The following GPC6 variants were observed in gnomAD, a reference collection of about 807,000 sequenced individuals.
GPC6 encodes glypican-6.
In GPC6, 14 loss-of-function variants were observed where a neutral mutation model predicts 55.2. That is an observed-to-expected ratio of 0.25 (90% CI 0.17 to 0.40). The LOEUF is 0.40. Ranked by LOEUF, GPC6 falls within the 10% of genes least tolerant of loss-of-function variation. The pLI, the probability that GPC6 is intolerant of heterozygous loss-of-function variation, is 1.00. For missense variants in GPC6, 641 were observed against 708.5 expected (o/e 0.90, Z 1.08); for synonymous variants, 278 against 259.6 (o/e 1.07, Z -0.68).
At chr13:94,280,803 G>A (rs1892357637) in intron 4 of GPC6, among the ~76,000 whole-genome samples, 1 of 151,714 alleles carries the variant, frequency 6.6e-6, no homozygotes, top group African/African-American at 2.4e-5. Context: ...AGCAAAATTG[G>A]GTGCCATGGA....
At chr13:93,274,686 T>C (rs374944890) in intron 1 of GPC6, among the ~76,000 whole-genome samples, 1 of 152,194 alleles carries the variant, frequency 6.6e-6, no homozygotes, top group South Asian at 2.1e-4. Flanking sequence ...ATTAGGATTT[T>C]CTCCCTTAGA....
At chr13:93,253,904 T>C (rs1013087437) in intron 1 of GPC6, among the ~76,000 whole-genome samples, 2 of 152,164 alleles carry the variant, frequency 1.3e-5, no homozygotes, top group Non-Finnish European at 2.9e-5. Flanking sequence ...TCTAGAGAAA[T>C]GTTAGGAAAA....
chr13:93,613,739 G>A (rs1878592846), intron 2 of GPC6, among the ~76,000 whole-genome samples: 1 of 152,154 alleles, frequency 6.6e-6, no homozygotes, highest in Non-Finnish European at 1.5e-5. Context: ...TGTCTTTGCA[G>A]AGGACATTTA....
At chr13:93,488,716 G>A (rs1363215720) in intron 1 of GPC6, among the ~76,000 whole-genome samples, 1 of 152,050 alleles carries the variant, frequency 6.6e-6, no homozygotes, top group African/African-American at 2.4e-5. Flanking sequence ...TTCTCTGATG[G>A]CCAGTGATGA....
At position 93,295,133 on chromosome 13, in the gene GPC6, A is replaced by T. The variant is rs1378809144; in HGVS notation, c.160+67517A>T. Among the ~76,000 whole-genome samples, 7 of 148,026 alleles carry T rather than the reference A, an allele frequency of 4.7e-5. No homozygotes were observed. In the South Asian group the frequency reaches 1.3e-3, roughly 27 times the overall value. ...GCAAAAAAAAAAAAAAAAAAAAAAA[A>T]TACAAATACTAGCTGGGCATTGTGG... is the stretch of plus-strand genomic sequence containing the variant. On this transcript the variant is annotated intron_variant, in intron 1 of 8. Transcript: ENST00000377047.
chr13:93,499,089 T>G (rs934208345), intron 1 of GPC6, among the ~76,000 whole-genome samples: 6 of 51,384 alleles, frequency 1.2e-4, no homozygotes, highest in Non-Finnish European at 2.3e-4. Context: ...AATCCTTAAT[T>G]GTCACACACA....
At chr13:93,810,552 A>C (rs185841547) in intron 2 of GPC6, among the ~76,000 whole-genome samples, 2 of 152,278 alleles carry the variant, frequency 1.3e-5, no homozygotes, top group African/African-American at 4.8e-5. Context: ...TGGGAGAGCT[A>C]AACTAGTTGA....
chr13:93,793,311 C>T (rs771889749), intron 2 of GPC6, among the ~76,000 whole-genome samples: 6 of 152,170 alleles, frequency 3.9e-5, no homozygotes, highest in African/African-American at 2.4e-5. Context: ...GTTTTCCACT[C>T]TCTGCTTCAG....
intron 6 of GPC6, among the ~76,000 whole-genome samples, chr13:94,327,811 G>A (rs1322011532): frequency 1.3e-5 from 2 of 152,156 alleles, no homozygotes; most frequent in Non-Finnish European, 2.9e-5. Context: ...AGTGCAAAGA[G>A]TTTCACCTAG....
intron 4 of GPC6, among the ~76,000 whole-genome samples, chr13:94,177,500 G>T (rs1888820306): frequency 6.6e-6 from 1 of 151,876 alleles, no homozygotes; most frequent in South Asian, 2.1e-4. Context: ...TAGGAAAAAA[G>T]TAAAGAGAGT....
intron 4 of GPC6, among the ~76,000 whole-genome samples, chr13:94,124,667 G>A (rs1466111140): frequency 3.3e-5 from 5 of 152,190 alleles, no homozygotes; most frequent in East Asian, 1.9e-4. Flanking sequence ...ATGCCCTCTC[G>A]CTCACATTCA....
At chr13:93,706,040 T>G (rs1882839216) in intron 2 of GPC6, among the ~76,000 whole-genome samples, 1 of 151,766 alleles carries the variant, frequency 6.6e-6, no homozygotes, top group Non-Finnish European at 1.5e-5. Flanking sequence ...AAATGTAGAA[T>G]CTGGTGCTGT....
intron 3 of GPC6, among the ~76,000 whole-genome samples, chr13:93,944,648 T>C (rs1180160473): frequency 6.6e-6 from 1 of 152,236 alleles, no homozygotes; most frequent in Non-Finnish European, 1.5e-5. Flanking sequence ...AAAAAGTTGG[T>C]ATAAATATGA....
At chr13:93,957,845 G>A (rs753912046) in intron 3 of GPC6, among the ~76,000 whole-genome samples, 3 of 152,264 alleles carry the variant, frequency 2.0e-5, no homozygotes, top group African/African-American at 2.4e-5. Flanking sequence ...CAGCAGCAGT[G>A]TATAAGCATT....
At chr13:94,360,398 A>T (rs1158246016) in intron 6 of GPC6, among the ~76,000 whole-genome samples, 1 of 152,236 alleles carries the variant, frequency 6.6e-6, no homozygotes, top group Non-Finnish European at 1.5e-5. Flanking sequence ...AACCAGAAGC[A>T]TAATTGGGCA....
intron 2 of GPC6, among the ~76,000 whole-genome samples, chr13:93,637,998 A>G (rs1050590400): frequency 2.9e-4 from 44 of 152,118 alleles, no homozygotes; most frequent in African/African-American, 1.1e-3. Flanking sequence ...AAAAATAATA[A>G]ATTATAAAAA....
intron 3 of GPC6, among the ~76,000 whole-genome samples, chr13:93,976,946 C>T (rs1880545726): frequency 6.6e-6 from 1 of 152,102 alleles, no homozygotes; most frequent in Admixed American, 6.6e-5. Flanking sequence ...TCGTACTTCA[C>T]ATTTTAATTA....
chr13:94,271,883 T>C (rs1241644560), intron 4 of GPC6, among the ~76,000 whole-genome samples: 4 of 152,194 alleles, frequency 2.6e-5, no homozygotes, highest in Non-Finnish European at 5.9e-5. Flanking sequence ...ACAAAAGTCA[T>C]CTTGCCATTT....
chr13:93,647,607 G>A (rs1234355019), intron 2 of GPC6, among the ~76,000 whole-genome samples: 1 of 152,110 alleles, frequency 6.6e-6, no homozygotes, highest in Non-Finnish European at 1.5e-5. Flanking sequence ...TGAGGCCTGG[G>A]TCATCCCTTT....
Sources: allele counts gnomAD v4.1 joint callset (sites outside exome capture counted in the v4.1 genomes callset), GRCh38; gene constraint gnomAD v4.1.1; transcripts MANE v1.5; gene names NCBI Gene and HGNC (gene_info 2026-07-23, HGNC 2026-07-21).